The following CNTLN variants were observed in gnomAD, a reference collection of about 807,000 sequenced individuals.
The protein encoded by CNTLN is centlein, also known as centlein, centrosomal protein.
Under a neutral mutation model 180.0 loss-of-function variants are expected in CNTLN, and 212 were observed. The ratio of observed to expected loss-of-function variants is 1.18; its 90% CI spans 1.05 to 1.32. The LOEUF (loss-of-function observed/expected upper bound fraction) is 1.32, where lower values mean the gene tolerates loss of function less well. CNTLN is among the 40% of genes most tolerant of loss of function. The pLI, the probability that CNTLN is intolerant of heterozygous loss-of-function variation, is 0.00. For synonymous variants in CNTLN, 722 were observed against 563.1 expected (o/e 1.28, Z -3.99); for missense variants, 2,095 against 1,610.9 (o/e 1.30, Z -5.14).
At chr9:17,513,730 T>C in the CNTLN span, among the ~76,000 whole-genome samples, 1 of 151,092 alleles carries the variant, frequency 6.6e-6, no homozygotes, top group African/African-American at 2.4e-5. Context: ...AAGAAATAAA[T>C]AAAATCAAAC....
chr9:17,489,960 C>G lies in CNTLN; in HGVS notation c.4119+2894C>G, dbSNP rs1833068200. Reference sequence around the variant, plus strand: ...GAACATTTTTAATCTGTATAAATCTCTCTTTTCACATTGATATATTTTTTA... The same window carrying G: ...GAACATTTTTAATCTGTATAAATCTGTCTTTTCACATTGATATATTTTTTA... On this transcript the variant is annotated intron_variant, in intron 25 of 25. Transcript: ENST00000380647. 2.0e-5 allele frequency among the ~76,000 whole-genome samples: 3 copies of G among 152,246 alleles called. No homozygotes were observed. The South Asian group carries it at 6.2e-4, about 32-fold the overall frequency.
intron 2 of CNTLN, among the ~76,000 whole-genome samples, chr9:17,157,455 A>G (rs1819374413): frequency 6.6e-6 from 1 of 152,206 alleles, no homozygotes; most frequent in South Asian, 2.1e-4. Flanking sequence ...AGAGGAAGAA[A>G]GAAGAGAAAA....
At chr9:17,470,175 C>T (rs751688379) in intron 23 of CNTLN, among the ~76,000 whole-genome samples, 21 of 151,854 alleles carry the variant, frequency 1.4e-4, no homozygotes, top group Non-Finnish European at 2.1e-4. Flanking sequence ...GGTATTGTTA[C>T]ATAACAGGGC....
intron 18 of CNTLN, among the ~76,000 whole-genome samples, chr9:17,424,365 A>G (rs967037870): frequency 6.6e-6 from 1 of 152,188 alleles, no homozygotes. Flanking sequence ...CCCAAATCTT[A>G]AGACTAACAG....
chr9:17,374,318 C>T (rs774510069), intron 13 of CNTLN, among the ~76,000 whole-genome samples: 11 of 152,120 alleles, frequency 7.2e-5, no homozygotes, highest in South Asian at 2.1e-4. Context: ...TGTGAGTAGA[C>T]GTTTCTCAAA....
At chr9:17,477,159 T>A (rs1832395663) in intron 23 of CNTLN, among the ~76,000 whole-genome samples, 1 of 152,208 alleles carries the variant, frequency 6.6e-6, no homozygotes, top group African/African-American at 2.4e-5. Flanking sequence ...CTGAATATTT[T>A]AGGCCCAATA....
chr9:17,171,213 G>T (rs930968083), intron 2 of CNTLN, among the ~76,000 whole-genome samples: 15 of 151,692 alleles, frequency 9.9e-5, no homozygotes, highest in African/African-American at 3.7e-4. Context: ...TTGTTTTTTG[G>T]TGGCATCTTG....
chr9:17,192,436 A>C (rs1821848961), intron 2 of CNTLN, among the ~76,000 whole-genome samples: 1 of 151,806 alleles, frequency 6.6e-6, no homozygotes, highest in South Asian at 2.1e-4. Context: ...ATGGGGTTTC[A>C]CCACATTGGC....
At chr9:17,514,162 A>AAC in the CNTLN span, among the ~76,000 whole-genome samples, 1 of 150,404 alleles carries the variant, frequency 6.6e-6, no homozygotes, top group Non-Finnish European at 1.5e-5. Context: ...TTAAAAAAAA[A>AAC]AACTGGGCGT....
At chr9:17,392,509 G>C (rs1016801198) in intron 14 of CNTLN, among the ~76,000 whole-genome samples, 1 of 152,070 alleles carries the variant, frequency 6.6e-6, no homozygotes, top group African/African-American at 2.4e-5. Context: ...ATATTAATCA[G>C]CTCCCCAATA....
intron 2 of CNTLN, among the ~76,000 whole-genome samples, chr9:17,144,428 A>G (rs77865371): frequency 0.038 from 5,735 of 152,174 alleles, 362 homozygotes; most frequent in African/African-American, 0.13. Context: ...TTTTTTTAGT[A>G]GAATAAGCCT....
the CNTLN span, among the ~76,000 whole-genome samples, chr9:17,527,539 T>G: frequency 6.6e-6 from 1 of 152,006 alleles, no homozygotes; most frequent in African/African-American, 2.4e-5. Context: ...TGGCAAATGG[T>G]GGGAGCTAGG....
chr9:17,524,227 G>A, the CNTLN span, among the ~76,000 whole-genome samples: 1 of 152,136 alleles, frequency 6.6e-6, no homozygotes, highest in African/African-American at 2.4e-5. Context: ...GTTATTATAA[G>A]GGATTGGCTC....
At chr9:17,445,844 G>A (rs1406194933) in intron 18 of CNTLN, among the ~76,000 whole-genome samples, 2 of 152,120 alleles carry the variant, frequency 1.3e-5, no homozygotes, top group Non-Finnish European at 2.9e-5. Flanking sequence ...TGAGACAAGA[G>A]GAAGGCATCT....
At chr9:17,268,343 G>A (rs1258731345) in intron 5 of CNTLN, among the ~76,000 whole-genome samples, 1 of 152,150 alleles carries the variant, frequency 6.6e-6, no homozygotes, top group Non-Finnish European at 1.5e-5. Context: ...GGTGGCTTTA[G>A]AATAGCGGAT....
chr9:17,180,376 A>ATATTG (rs1821048514), intron 2 of CNTLN, among the ~76,000 whole-genome samples: 1 of 146,176 alleles, frequency 6.8e-6, no homozygotes, highest in African/African-American at 2.5e-5. Flanking sequence ...ATATTATATT[A>ATATTG]TATATACATA....
chr9:17,311,699 C>T (rs1643918362), intron 8 of CNTLN, among the ~76,000 whole-genome samples: 2 of 151,968 alleles, frequency 1.3e-5, no homozygotes, highest in African/African-American at 2.4e-5. Context: ...GTCCCATCTA[C>T]TCGGGAGGCT....
chr9:17,265,116 G>C (rs1293969761), intron 5 of CNTLN, among the ~76,000 whole-genome samples: 1 of 148,394 alleles, frequency 6.7e-6, no homozygotes, highest in Non-Finnish European at 1.5e-5. Context: ...CCTGTCTTGT[G>C]CCAGTTTTCA....
chr9:17,164,971 T>A (rs981310280), intron 2 of CNTLN, among the ~76,000 whole-genome samples: 1 of 151,180 alleles, frequency 6.6e-6, no homozygotes, highest in Non-Finnish European at 1.5e-5. Flanking sequence ...AAGTAGCTGG[T>A]ATTACAGGTG....
Sources: gnomAD v4.1 joint callset for allele counts (sites outside exome capture counted in the v4.1 genomes callset) on GRCh38, gnomAD v4.1.1 for gene constraint, MANE v1.5 for transcripts, NCBI Gene and HGNC (gene_info 2026-07-23, HGNC 2026-07-21) for gene names.